SCG5: variants seen among roughly 807,000 people sequenced by gnomAD.
SCG5 encodes neuroendocrine protein 7B2.
A neutral mutation model predicts 25.7 loss-of-function variants in SCG5; 18 were observed. The observed-to-expected ratio is 0.70, with a 90% confidence interval of 0.48 to 1.04. The LOEUF (loss-of-function observed/expected upper bound fraction) is 1.04, where lower values mean the gene tolerates loss of function less well. Among genes scored for constraint, SCG5 ranks in the 50% least tolerant of loss-of-function variants. SCG5 has a pLI of 0.00. For missense variants in SCG5, 206 were observed against 259.8 expected (o/e 0.79, Z 1.42); for synonymous variants, 101 against 91.7 (o/e 1.10, Z -0.58).
intron 4 of SCG5, 56 bp from the exon 5 acceptor site, chr15:32,691,654 T>C: frequency 7.3e-7 from 1 of 1,378,350 alleles, no homozygotes; most frequent in Non-Finnish European, 1.0e-6. Flanking sequence ...AAATAGACAT[T>C]CACCAAATTT....
chr15:32,669,316 G>A (rs140138811), intron 2 of SCG5, among the ~76,000 whole-genome samples: 13 of 152,212 alleles, frequency 8.5e-5, no homozygotes, highest in Admixed American at 7.2e-4. Context: ...AATTGGAGGC[G>A]GTAGGCCTGT....
At chr15:32,649,300 CA>C (rs1273036757) in intron 2 of SCG5, among the ~76,000 whole-genome samples, 1 of 152,304 alleles carries the variant, frequency 6.6e-6, no homozygotes, top group African/African-American at 2.4e-5. Context: ...CTGGATCTGT[CA>C]AGACTTTCTG....
chr15:32,665,008 C>A (rs1481482676), intron 2 of SCG5, among the ~76,000 whole-genome samples: 1 of 152,184 alleles, frequency 6.6e-6, no homozygotes, highest in African/African-American at 2.4e-5. Flanking sequence ...TGTAGTCATT[C>A]TTCTCCCTCT....
intron 2 of SCG5, among the ~76,000 whole-genome samples, chr15:32,654,554 T>C (rs778411308): frequency 5.9e-5 from 9 of 152,204 alleles, no homozygotes; most frequent in Non-Finnish European, 8.8e-5. Flanking sequence ...ATAGGTACTG[T>C]ACAGATGCAG....
intron 2 of SCG5, among the ~76,000 whole-genome samples, chr15:32,669,497 A>C (rs1015560781): frequency 3.9e-5 from 6 of 152,222 alleles, no homozygotes; most frequent in African/African-American, 1.4e-4. Context: ...CAGCTAAGCC[A>C]TATAATTTCA....
chr15:32,681,115 A>G (rs1376126749), intron 3 of SCG5, among the ~76,000 whole-genome samples: 1 of 152,130 alleles, frequency 6.6e-6, no homozygotes. Context: ...GCCCCTAGTA[A>G]ATAATGCACC....
intron 2 of SCG5, among the ~76,000 whole-genome samples, chr15:32,648,701 A>G (rs1414544781): frequency 6.6e-6 from 1 of 150,920 alleles, no homozygotes; most frequent in East Asian, 1.9e-4. Context: ...TTTCAAAGTC[A>G]CCCACTCAGA....
chr15:32,643,341 A>T (rs1595785295), intron 1 of SCG5, among the ~76,000 whole-genome samples: 1 of 152,192 alleles, frequency 6.6e-6, no homozygotes, highest in East Asian at 1.9e-4. Flanking sequence ...ATTCCAGCCT[A>T]GCTTTCTCAA....
At chr15:32,684,782 A>AT in intron 4 of SCG5, 113 bp downstream of exon 4, 1 of 676,402 alleles carries the variant, frequency 1.5e-6, no homozygotes, top group Non-Finnish European at 2.6e-6. Flanking sequence ...TTAGAAGCTA[A>AT]TTTTTCAGAA....
At chr15:32,694,246 C>T (rs2054915740) in intron 5 of SCG5, among the ~76,000 whole-genome samples, 2 of 152,266 alleles carry the variant, frequency 1.3e-5, no homozygotes, top group South Asian at 4.1e-4. Flanking sequence ...TAATTTTTCC[C>T]CTCCCCTCCA....
At chr15:32,662,140 A>G (rs1239551412) in intron 2 of SCG5, among the ~76,000 whole-genome samples, 1 of 152,164 alleles carries the variant, frequency 6.6e-6, no homozygotes, top group South Asian at 2.1e-4. Flanking sequence ...CCCATCATAA[A>G]CACAGCTTCA....
At position 32,688,929 on chromosome 15, in the gene SCG5, G is replaced by C. The variant is rs373148511; in HGVS notation, c.490-2781G>C. Among the ~76,000 whole-genome samples the C allele has an allele frequency of 5.8e-5, 8 of 138,672 alleles. No individual in the cohort carries two copies. In the South Asian group the frequency reaches 1.2e-3, roughly 20 times the overall value. The allele number at this position is 138,672 out of a possible 152,430, so 91.0% of individuals were successfully genotyped here. ...AGCCGAGATAGTGCCACTGCAGTCC[G>C]GCCTGGGCAAAAGAGCAAGACTCCG... is the stretch of plus-strand genomic sequence containing the variant. On this transcript the variant is annotated intron_variant, in intron 4 of 5. Transcript: ENST00000300175.
At chr15:32,680,820 C>A (rs910751386) in intron 3 of SCG5, among the ~76,000 whole-genome samples, 1 of 152,152 alleles carries the variant, frequency 6.6e-6, no homozygotes, top group African/African-American at 2.4e-5. Flanking sequence ...CCCACTAATG[C>A]CATAGAGAAT....
intron 4 of SCG5, among the ~76,000 whole-genome samples, chr15:32,690,617 C>G (rs1472108979): frequency 6.6e-6 from 1 of 152,164 alleles, no homozygotes; most frequent in Non-Finnish European, 1.5e-5. Flanking sequence ...TGAGGTTGGG[C>G]AAGAGATATG....
At chr15:32,662,147 T>C (rs906175709) in intron 2 of SCG5, among the ~76,000 whole-genome samples, 2 of 152,216 alleles carry the variant, frequency 1.3e-5, no homozygotes, top group Non-Finnish European at 2.9e-5. Flanking sequence ...TAAACACAGC[T>C]TCAATGAACA....
intron 2 of SCG5, among the ~76,000 whole-genome samples, chr15:32,675,259 C>G (rs150127905): frequency 1.3e-5 from 2 of 152,260 alleles, no homozygotes; most frequent in African/African-American, 4.8e-5. Context: ...AAGATCCTAT[C>G]TTTATTAATG....
intron 2 of SCG5, among the ~76,000 whole-genome samples, chr15:32,644,542 T>A (rs1567067640): frequency 6.6e-6 from 1 of 152,226 alleles, no homozygotes; most frequent in Non-Finnish European, 1.5e-5. Context: ...GTACTTCATT[T>A]GTTTGTTGTT....
chr15:32,684,459 A>T lies in SCG5; in HGVS notation c.377-98A>T, dbSNP rs2054669243. ...TCTAAGTTACTACTGATGTGAACAGATTCTGACCTTTGGCTGCCTAGTTGT... is the reference window on the plus strand; with the variant it reads ...TCTAAGTTACTACTGATGTGAACAGTTTCTGACCTTTGGCTGCCTAGTTGT... On this transcript the variant is annotated intron_variant, in intron 3 of 5. Transcript: ENST00000300175. The T allele has an allele frequency of 4.1e-6, 3 of 738,890 alleles. No homozygotes were observed. The Admixed American group carries it at 6.6e-5, about 16-fold the overall frequency. The allele number at this position is 738,890 out of a possible 1,614,324, so 45.8% of individuals were successfully genotyped here.
chr15:32,661,541 A>T (rs2140525308), intron 2 of SCG5, among the ~76,000 whole-genome samples: 1 of 152,020 alleles, frequency 6.6e-6, no homozygotes, highest in Admixed American at 6.6e-5. Context: ...AATCACTTGA[A>T]CCCGGGAGGC....
Sources: gnomAD v4.1 joint callset for allele counts (sites outside exome capture counted in the v4.1 genomes callset) on GRCh38, gnomAD v4.1.1 for gene constraint, MANE v1.5 for transcripts, NCBI Gene and HGNC (gene_info 2026-07-23, HGNC 2026-07-21) for gene names.